CTNNA2: variants seen among roughly 807,000 people sequenced by gnomAD.
CTNNA2 encodes the protein catenin alpha-2.
Under a neutral mutation model 101.0 loss-of-function variants are expected in CTNNA2, and 42 were observed. That is an observed-to-expected ratio of 0.42 (90% CI 0.32 to 0.54). The LOEUF (loss-of-function observed/expected upper bound fraction) is 0.54, where lower values mean the gene tolerates loss of function less well. Among genes scored for constraint, CTNNA2 ranks in the 20% least tolerant of loss-of-function variants. The probability of loss-of-function intolerance (pLI) is 0.14; values close to 1 mark genes in which losing one functional copy is unlikely to be tolerated. For missense variants in CTNNA2, 871 were observed against 1,223.1 expected (o/e 0.71, Z 4.29); for synonymous variants, 450 against 456.4 (o/e 0.99, Z 0.18).
chr2:79,470,900 C>G (rs1670991916), intron 4 of CTNNA2, among the ~76,000 whole-genome samples: 1 of 152,084 alleles, frequency 6.6e-6, no homozygotes, highest in African/African-American at 2.4e-5. Flanking sequence ...GTTTGATAGT[C>G]TAAAAGGTTA....
intron 3 of CTNNA2, among the ~76,000 whole-genome samples, chr2:79,829,652 A>G (rs1228249528): frequency 6.6e-6 from 1 of 152,082 alleles, no homozygotes; most frequent in Non-Finnish European, 1.5e-5. Flanking sequence ...TTTTTAAAAA[A>G]GAGGAGTGCG....
At chr2:80,076,499 T>G (rs968894664) in intron 7 of CTNNA2, among the ~76,000 whole-genome samples, 12 of 151,994 alleles carry the variant, frequency 7.9e-5, no homozygotes, top group African/African-American at 2.4e-4. Flanking sequence ...CCCAGGCTGG[T>G]CTCGCATTCC....
chr2:79,721,634 C>A (rs1258030488), intron 2 of CTNNA2, among the ~76,000 whole-genome samples: 1 of 152,202 alleles, frequency 6.6e-6, no homozygotes, highest in Non-Finnish European at 1.5e-5. Context: ...CACAAACACA[C>A]ACATACTTAT....
intron 14 of CTNNA2, among the ~76,000 whole-genome samples, chr2:80,582,779 T>A (rs1316222207): frequency 6.6e-6 from 1 of 152,060 alleles, no homozygotes; most frequent in African/African-American, 2.4e-5. Context: ...AGCAAGAGGT[T>A]GAGAAAGAGA....
chr2:79,288,596 C>G (rs1413938564), intron 2 of CTNNA2, among the ~76,000 whole-genome samples: 4 of 152,164 alleles, frequency 2.6e-5, no homozygotes, highest in African/African-American at 4.8e-5. Flanking sequence ...TTGTTTTTCT[C>G]TCTCTTCTTT....
chr2:79,888,205 A>G (rs1209786306), intron 6 of CTNNA2, among the ~76,000 whole-genome samples: 2 of 152,180 alleles, frequency 1.3e-5, no homozygotes, highest in African/African-American at 4.8e-5. Context: ...GCTTATAGGA[A>G]GAGGAGTGCA....
At chr2:79,453,368 C>T (rs1365368675) in intron 4 of CTNNA2, among the ~76,000 whole-genome samples, 1 of 152,040 alleles carries the variant, frequency 6.6e-6, no homozygotes, top group Non-Finnish European at 1.5e-5. Context: ...TAAATATGCC[C>T]CCTGGCTCTG....
intron 7 of CTNNA2, among the ~76,000 whole-genome samples, chr2:80,377,351 A>T (rs949162095): frequency 6.6e-6 from 1 of 152,216 alleles, no homozygotes; most frequent in African/African-American, 2.4e-5. Flanking sequence ...GAATTTGCTT[A>T]TTGGATACCA....
chr2:79,523,135 C>A, intron 1 of CTNNA2: 1 of 320,600 alleles, frequency 3.1e-6, no homozygotes, highest in Non-Finnish European at 6.3e-6. Context: ...AAAAATTCTT[C>A]CTCTACATTA....
intron 2 of CTNNA2, among the ~76,000 whole-genome samples, chr2:79,232,206 C>A (rs1367460778): frequency 6.6e-6 from 1 of 151,902 alleles, no homozygotes; most frequent in Admixed American, 6.6e-5. Context: ...TCATAGATGG[C>A]TCTTATTATT....
At chr2:79,940,028 G>T (rs1173310901) in intron 7 of CTNNA2, among the ~76,000 whole-genome samples, 1 of 152,100 alleles carries the variant, frequency 6.6e-6, no homozygotes, top group Non-Finnish European at 1.5e-5. Context: ...GGAGGCAGAG[G>T]TTGTGGTGAG....
At chr2:79,944,939 G>A (rs1688397281) in intron 7 of CTNNA2, among the ~76,000 whole-genome samples, 2 of 152,126 alleles carry the variant, frequency 1.3e-5, no homozygotes, top group South Asian at 4.1e-4. Flanking sequence ...TTGTTTGCAG[G>A]AATATACATT....
At chr2:79,292,989 C>T (rs1223454249) in intron 2 of CTNNA2, 1 of 152,242 alleles carries the variant, frequency 6.6e-6, no homozygotes, top group East Asian at 1.9e-4. Context: ...CTGCAGCCAC[C>T]CATATGTCAC....
At chr2:79,317,661 A>G (rs1345789628) in intron 3 of CTNNA2, among the ~76,000 whole-genome samples, 1 of 152,050 alleles carries the variant, frequency 6.6e-6, no homozygotes, top group East Asian at 1.9e-4. Context: ...GAAACAATGA[A>G]TATCCCTTAT....
chr2:80,383,926 A>G (rs1317884006), intron 7 of CTNNA2, among the ~76,000 whole-genome samples: 1 of 152,222 alleles, frequency 6.6e-6, no homozygotes, highest in African/African-American at 2.4e-5. Context: ...CTAAATGACC[A>G]TCAACGGTAG....
rs70940046 is a variant in CTNNA2 at position 79,818,848 on chromosome 2, T to TATATATATATATATATATATATA, written c.299-39165_299-39164insATATATATATATATATATATATA. Among the ~76,000 whole-genome samples, 43 of 135,398 alleles carry TATATATATATATATATATATATA rather than the reference T, an allele frequency of 3.2e-4. 1 individual carries two copies. The highest frequency in any genetic ancestry group is 9.5e-4 in the African/African-American group (34 of 35,796). 88.8% of individuals were successfully genotyped at this position (135,398 alleles called of 152,430 possible). ...ATATATATATATATATATATATATA[T>TATATATATATATATATATATATA]GGATGTATGTGTATCATATTAAGTA... is the stretch of plus-strand genomic sequence containing the variant. On this transcript the variant is annotated intron_variant, in intron 3 of 18. Coordinates refer to ENST00000402739, the MANE Select transcript of CTNNA2 (RefSeq NM_001282597.3).
intron 2 of CTNNA2, among the ~76,000 whole-genome samples, chr2:79,255,019 A>G (rs1466981494): frequency 6.6e-6 from 1 of 152,192 alleles, no homozygotes; most frequent in Non-Finnish European, 1.5e-5. Context: ...AGGCCTTACC[A>G]GAACCTGAGA....
chr2:79,893,751 A>T (rs990785674), intron 6 of CTNNA2, among the ~76,000 whole-genome samples: 1 of 152,154 alleles, frequency 6.6e-6, no homozygotes, highest in Non-Finnish European at 1.5e-5. Flanking sequence ...AACAACCCTA[A>T]TCCTGCAGTT....
At chr2:79,997,662 C>G (rs1287525048) in intron 7 of CTNNA2, among the ~76,000 whole-genome samples, 5 of 151,858 alleles carry the variant, frequency 3.3e-5, no homozygotes. Flanking sequence ...TAAAACACAG[C>G]AAAGACTTCC....
Sources: allele counts gnomAD v4.1 joint callset (sites outside exome capture counted in the v4.1 genomes callset), GRCh38; gene constraint gnomAD v4.1.1; transcripts MANE v1.5; gene names NCBI Gene and HGNC (gene_info 2026-07-23, HGNC 2026-07-21).